The following AKR1C3 variants were observed in gnomAD, a reference collection of about 807,000 sequenced individuals.
AKR1C3 encodes 3-alpha hydroxysteroid dehydrogenase, type II.
A neutral mutation model predicts 43.6 loss-of-function variants in AKR1C3; 48 were observed. That is an observed-to-expected ratio of 1.10 (90% confidence interval 0.87 to 1.40). The LOEUF (loss-of-function observed/expected upper bound fraction) is 1.40. AKR1C3 is among the 40% of genes most tolerant of loss of function. The pLI, the probability that AKR1C3 is intolerant of heterozygous loss-of-function variation, is 0.00. For synonymous variants in AKR1C3, 162 were observed against 139.6 expected (o/e 1.16, Z -1.13); for missense variants, 482 against 391.2 (o/e 1.23, Z -1.96).
upstream of AKR1C3, among the ~76,000 whole-genome samples, chr10:5,092,483 C>CTT (rs35143522): frequency 0.13 from 17,205 of 134,186 alleles, 1,186 homozygotes; most frequent in Admixed American, 0.17. Context: ...TCTCTTTACT[C>CTT]TTTTTTTTTT....
At chr10:5,083,695 C>T (rs868911709) in intron 1 of AKR1C3, among the ~76,000 whole-genome samples, 4 of 152,300 alleles carry the variant, frequency 2.6e-5, no homozygotes, top group Middle Eastern at 6.8e-3. Context: ...GTCCCACCAA[C>T]AGTGTAAAAG....
rs782180550 is a variant in AKR1C3 at position 5,107,475 on chromosome 10, C to G, written c.944C>G (p.Pro315Arg). The G allele has an allele frequency of 6.3e-7, 1 of 1,584,214 alleles. No individual in the cohort carries two copies. ...TCTCTTTTCAGTTTTGCTAGCCACC[C>G]TAATTATCCATATTCAGATGAATAT... Reference protein sequence around the residue: ...YFNSDSFASHPNYPYSDEY With the variant: ...YFNSDSFASHRNYPYSDEY The change falls in exon 9 of 9, where the codon CCT becomes CGT. Residue 315 changes from proline to arginine, a missense_variant. Physicochemically the swap from Pro to Arg is moderately radical, Grantham distance 103. Transcript: ENST00000380554.
chr10:5,060,805 G>A (rs371313722), intron 1 of AKR1C3, among the ~76,000 whole-genome samples: 12 of 152,328 alleles, frequency 7.9e-5, no homozygotes, highest in African/African-American at 1.7e-4. Context: ...CAGGCATGGC[G>A]GGCTGCAGAT....
intron 1 of AKR1C3, among the ~76,000 whole-genome samples, chr10:5,069,289 C>T (rs1228148127): frequency 6.6e-6 from 1 of 152,112 alleles, no homozygotes; most frequent in African/African-American, 2.4e-5. Context: ...TGCAGACAAA[C>T]ATATTGCCAT....
chr10:5,099,017 T>G (rs1440075798), intron 4 of AKR1C3, 138 bp downstream of exon 4: 2 of 865,826 alleles, frequency 2.3e-6, no homozygotes, highest in Non-Finnish European at 3.5e-6. Flanking sequence ...TTTGGTGAGA[T>G]GAAGGGAAAA....
chr10:5,054,278 C>T (rs1232904610), intron 1 of AKR1C3, among the ~76,000 whole-genome samples: 3 of 152,148 alleles, frequency 2.0e-5, no homozygotes, highest in Non-Finnish European at 4.4e-5. Flanking sequence ...TCTGAGAAAT[C>T]CTTTGAGAGT....
chr10:5,091,288 CAA>C (rs1839083065), upstream of AKR1C3, among the ~76,000 whole-genome samples: 1 of 152,086 alleles, frequency 6.6e-6, no homozygotes. Flanking sequence ...CCTGCTGTAA[CAA>C]ATTACCACAA....
intron 1 of AKR1C3, among the ~76,000 whole-genome samples, chr10:5,081,195 C>T (rs1838831056): frequency 6.6e-6 from 1 of 152,168 alleles, no homozygotes; most frequent in East Asian, 1.9e-4. Flanking sequence ...CCTTGTAATA[C>T]AGGCTATAAG....
intron 1 of AKR1C3, among the ~76,000 whole-genome samples, chr10:5,051,647 A>C (rs1295415879): frequency 6.6e-6 from 1 of 152,138 alleles, no homozygotes; most frequent in East Asian, 1.9e-4. Flanking sequence ...GGACACCCTG[A>C]TTATCCATTT....
chr10:5,104,088 TATGTATTCATGAACAA>T lies in AKR1C3; in HGVS notation c.846+1440_846+1455del, dbSNP rs587617158. On this transcript the variant is annotated intron_variant, in intron 7 of 8. Transcript: ENST00000380554. The stretch of plus-strand genomic sequence containing the variant: ...TATGTGCTGTGGTTTTCTCTGTAGT[TATGTATTCATGAACAA>T]AAGTTGCTACTTTTCATGTAGTTAA... Among the ~76,000 whole-genome samples the T allele has an allele frequency of 5.5e-4, 84 of 152,254 alleles. No individual in the cohort carries two copies. In the South Asian group the frequency reaches 0.012, roughly 21 times the overall value.
At chr10:5,072,449 G>GA (rs1298026101) in intron 1 of AKR1C3, among the ~76,000 whole-genome samples, 2 of 152,050 alleles carry the variant, frequency 1.3e-5, no homozygotes, top group African/African-American at 2.4e-5. Context: ...ATTTTCTTAA[G>GA]AAAAAAATTG....
intron 1 of AKR1C3, among the ~76,000 whole-genome samples, chr10:5,050,200 CTT>C (rs1838125557): frequency 6.6e-6 from 1 of 152,208 alleles, no homozygotes; most frequent in African/African-American, 2.4e-5. Flanking sequence ...TTTCAAATCT[CTT>C]TCTTTTTTCT....
At chr10:5,049,524 G>A (rs761025096) in intron 1 of AKR1C3, among the ~76,000 whole-genome samples, 2 of 152,150 alleles carry the variant, frequency 1.3e-5, no homozygotes, top group Non-Finnish European at 2.9e-5. Flanking sequence ...TAAATTATTG[G>A]CCCTTGTTCA....
At chr10:5,059,953 T>TAAAGG (rs1838347675) in intron 1 of AKR1C3, among the ~76,000 whole-genome samples, 1 of 152,120 alleles carries the variant, frequency 6.6e-6, no homozygotes, top group Non-Finnish European at 1.5e-5. Flanking sequence ...GTTTTTTCCT[T>TAAAGG]CTGATGTTTG....
chr10:5,102,630 C>T lies in AKR1C3; in HGVS notation c.826C>T (p.Arg276Cys), dbSNP rs140613308. ...CCTGGCCAAGAGCTACAATGAGCAG[C>T]GCATCAGACAGAACGTGCAGGTGAG... is the stretch of plus-strand genomic sequence containing the variant. ...VVLAKSYNEQ[R>C]IRQNVQVFEF... The change falls in exon 7 of 9, where the codon CGC (arginine) becomes TGC (cysteine). Residue 276 changes from arginine (R) to cysteine (C), a missense_variant. By Grantham distance (180) the Arg-to-Cys change is radical. Coordinates refer to ENST00000380554, the MANE Select transcript of AKR1C3 (RefSeq NM_003739.6). 6.4e-4 allele frequency: 945 copies of T among 1,483,840 alleles called. 3 individuals carry two copies. The highest frequency in any genetic ancestry group is 7.7e-4 in the Non-Finnish European group (861 of 1,116,470). 91.9% of individuals were successfully genotyped at this position (1,483,840 alleles called of 1,614,324 possible). A position where few individuals can be genotyped will look rare whatever the true frequency, so the allele number is the denominator to read the frequency against.
intron 1 of AKR1C3, among the ~76,000 whole-genome samples, chr10:5,065,236 G>A (rs916215972): frequency 3.9e-5 from 6 of 152,262 alleles, no homozygotes; most frequent in South Asian, 2.1e-4. Context: ...CTATTCAACC[G>A]AGCAATCCCA....
chr10:5,062,007 T>C (rs1388903853), intron 1 of AKR1C3, among the ~76,000 whole-genome samples: 10 of 152,258 alleles, frequency 6.6e-5, no homozygotes, highest in African/African-American at 1.7e-4. Context: ...TTTCAAACTT[T>C]AGTAAATGTT....
At chr10:5,051,403 G>A (rs1408295196) in intron 1 of AKR1C3, among the ~76,000 whole-genome samples, 3 of 152,188 alleles carry the variant, frequency 2.0e-5, no homozygotes, top group African/African-American at 7.2e-5. Flanking sequence ...AGCTGACTTT[G>A]TGTTTTATGT....
chr10:5,101,051 A>G (rs1285503201), intron 5 of AKR1C3, among the ~76,000 whole-genome samples: 1 of 152,210 alleles, frequency 6.6e-6, no homozygotes, highest in African/African-American at 2.4e-5. Flanking sequence ...TATCTAAGGA[A>G]ACGAACTGCA....
Sources: allele counts gnomAD v4.1 joint callset (sites outside exome capture counted in the v4.1 genomes callset), GRCh38; gene constraint gnomAD v4.1.1; transcripts MANE v1.5; gene names NCBI Gene and HGNC (gene_info 2026-07-23, HGNC 2026-07-21).